Variants in FAXC observed in about 807,000 individuals in gnomAD.
FAXC encodes the protein failed axon connections homolog, metaxin like GST domain containing.
FAXC carries 10 observed loss-of-function variants against 41.9 expected under a neutral mutation model. The ratio of observed to expected loss-of-function variants is 0.24; its 90% CI spans 0.15 to 0.41. The LOEUF (loss-of-function observed/expected upper bound fraction) is 0.41, where lower values mean the gene tolerates loss of function less well. FAXC is among the 10% of genes least tolerant of loss of function. The probability of loss-of-function intolerance (pLI) is 1.00; values close to 1 mark genes in which losing one functional copy is unlikely to be tolerated. For missense variants in FAXC, 399 were observed against 510.9 expected (o/e 0.78, Z 2.11); for synonymous variants, 183 against 183.8 (o/e 1.00, Z 0.03).
chr6:99,334,108 G>A (rs932626625), intron 2 of FAXC, among the ~76,000 whole-genome samples: 4 of 152,148 alleles, frequency 2.6e-5, no homozygotes, highest in Non-Finnish European at 5.9e-5. Context: ...TAAAAATGCA[G>A]GTTCCTGTGC....
intron 1 of FAXC, 46 bp downstream of exon 1, chr6:99,349,061 G>A (rs758668874): frequency 7.6e-6 from 12 of 1,587,474 alleles, no homozygotes; most frequent in African/African-American, 1.3e-5. Context: ...GCCCTAGCCA[G>A]GTGCCCCTCT....
intron 5 of FAXC, among the ~76,000 whole-genome samples, chr6:99,287,940 C>T (rs1771084893): frequency 6.6e-6 from 1 of 152,162 alleles, no homozygotes; most frequent in Non-Finnish European, 1.5e-5. Context: ...TACACCAGCA[C>T]CCAGGGAAAG....
intron 4 of FAXC, among the ~76,000 whole-genome samples, chr6:99,303,765 A>T (rs1017816277): frequency 1.3e-5 from 2 of 152,328 alleles, no homozygotes; most frequent in South Asian, 2.1e-4. Context: ...CCCATAAAAA[A>T]TAACTTGTAT....
rs1026481330 is a variant in FAXC, at chr6:99,273,807, T to A, written c.*7357A>T. ...CCATTGAGGACCAGAAAATATACTT[T>A]TAAAATGTCTATGTTTGCTATGGTT... On this transcript the variant is annotated 3_prime_UTR_variant, in exon 6 of 6. Coordinates refer to ENST00000389677, the MANE Select transcript of FAXC (RefSeq NM_032511.4). 3.9e-5 allele frequency: 6 copies of A among 152,082 alleles called. No individual in the cohort carries two copies. Among genetic ancestry groups the A allele is most frequent in the Admixed American group, 6.6e-5 (1 of 15,254 alleles). 9.4% of individuals were successfully genotyped at this position (152,082 alleles called of 1,614,324 possible).
At chr6:99,333,255 T>C in intron 3 of FAXC, 96 bp downstream of exon 3, 5 of 1,075,218 alleles carry the variant, frequency 4.7e-6, no homozygotes, top group Non-Finnish European at 6.7e-6. Flanking sequence ...ACTGTTAAGG[T>C]AGAAAACTGC....
chr6:99,301,136 G>A (rs1327338670), intron 4 of FAXC, among the ~76,000 whole-genome samples: 1 of 152,260 alleles, frequency 6.6e-6, no homozygotes, highest in Non-Finnish European at 1.5e-5. Context: ...CCAGAGTGGT[G>A]AGCCTTGCTC....
chr6:99,344,325 C>T (rs1773521891), intron 1 of FAXC, among the ~76,000 whole-genome samples: 1 of 152,150 alleles, frequency 6.6e-6, no homozygotes, highest in Non-Finnish European at 1.5e-5. Context: ...CTTCATTTGA[C>T]CCAGCTGATT....
intron 5 of FAXC, among the ~76,000 whole-genome samples, chr6:99,284,933 T>C (rs911088034): frequency 2.7e-5 from 4 of 149,860 alleles, no homozygotes; most frequent in Non-Finnish European, 5.9e-5. Flanking sequence ...AAAAAGCCTA[T>C]ACAGAAGACA....
intron 4 of FAXC, among the ~76,000 whole-genome samples, chr6:99,293,706 GTGTGTGTC>G (rs1409360547): frequency 4.4e-4 from 45 of 102,270 alleles, no homozygotes; most frequent in African/African-American, 9.8e-4. Flanking sequence ...GTGTGTGTGT[GTGTGTGTC>G]TGTGTGTGTG....
chr6:99,341,510 C>T (rs1001856997), intron 2 of FAXC, among the ~76,000 whole-genome samples: 1 of 152,036 alleles, frequency 6.6e-6, no homozygotes, highest in Non-Finnish European at 1.5e-5. Flanking sequence ...TAGGAAGAGA[C>T]ATCAATGGAG....
chr6:99,304,978 G>GCA (rs1386561608), intron 4 of FAXC, among the ~76,000 whole-genome samples: 1 of 152,218 alleles, frequency 6.6e-6, no homozygotes, highest in African/African-American at 2.4e-5. Context: ...GAGAAACTGT[G>GCA]AAGTGAAGCA....
rs1299042652 is a variant in FAXC at position 99,281,385 on chromosome 6, C to T, written c.1009G>A (p.Asp337Asn). 6 of 1,614,044 alleles carry T rather than the reference C, an allele frequency of 3.7e-6. No individual in the cohort carries two copies. Among genetic ancestry groups the T allele is most frequent in the East Asian group, 2.2e-5 (1 of 44,896 alleles). ...RRKFWPEWHH[D>N]DDNTIYESEE... ...GACTCATAGATGGTATTGTCATCATCGTGGTGCCACTCTGGCCAAAATTTC... is the reference window on the plus strand; with the variant it reads ...GACTCATAGATGGTATTGTCATCATTGTGGTGCCACTCTGGCCAAAATTTC... The change falls in exon 6 of 6, where the codon GAT becomes AAT. Residue 337 changes from aspartate to asparagine, a missense_variant. Physicochemically the swap from Asp to Asn is conservative, Grantham distance 23. Around this residue, in one of 3 missense-constraint regions of FAXC, gnomAD observed 92 missense variants for 94.9 expected, o/e 0.97. Transcript: ENST00000389677.
At chr6:99,317,806 T>C (rs948238782) in intron 4 of FAXC, among the ~76,000 whole-genome samples, 4 of 152,222 alleles carry the variant, frequency 2.6e-5, no homozygotes, top group Admixed American at 6.5e-5. Flanking sequence ...TTGTCTTATT[T>C]TGCATCCACT....
chr6:99,329,339 G>A (rs1212459796), intron 3 of FAXC, among the ~76,000 whole-genome samples: 9 of 152,168 alleles, frequency 5.9e-5, no homozygotes, highest in Non-Finnish European at 2.9e-5. Context: ...TGGTCAAAGA[G>A]AAGCTGACCC....
chr6:99,296,886 T>G (rs982389712), intron 4 of FAXC, among the ~76,000 whole-genome samples: 4 of 152,136 alleles, frequency 2.6e-5, no homozygotes, highest in Non-Finnish European at 5.9e-5. Flanking sequence ...TCTGTAAAAT[T>G]TCATATGACC....
At chr6:99,302,315 A>G (rs1378696139) in intron 4 of FAXC, among the ~76,000 whole-genome samples, 1 of 152,180 alleles carries the variant, frequency 6.6e-6, no homozygotes, top group Non-Finnish European at 1.5e-5. Context: ...TCATTTTGTT[A>G]TTGAATGTTG....
Position 99,272,719 on chromosome 6 carries a change from A to T in FAXC, c.*8445T>A, listed in dbSNP as rs1442387675. On this transcript the variant is annotated 3_prime_UTR_variant, in exon 6 of 6. Transcript: ENST00000389677. ...ACTCACTTGAAATTCTATCAAAGTT[A>T]TATGCCTAAAAAATTCATTACCTCT... 6.6e-6 allele frequency: 1 copy of T among 152,202 alleles called. No homozygotes were observed. The highest frequency in any genetic ancestry group is 6.5e-5 in the Admixed American group (1 of 15,276). 9.4% of individuals were successfully genotyped at this position (152,202 alleles called of 1,614,324 possible).
At chr6:99,303,022 T>G (rs1424919830) in intron 4 of FAXC, among the ~76,000 whole-genome samples, 1 of 152,198 alleles carries the variant, frequency 6.6e-6, no homozygotes, top group Non-Finnish European at 1.5e-5. Context: ...TCTGATCTTG[T>G]TCACTTACAG....
At chr6:99,330,058 C>T (rs946768663) in intron 3 of FAXC, among the ~76,000 whole-genome samples, 11 of 151,776 alleles carry the variant, frequency 7.2e-5, no homozygotes, top group African/African-American at 2.7e-4. Flanking sequence ...GAGGGTTTTG[C>T]CATGTTGCCC....
Sources: allele counts gnomAD v4.1 joint callset (sites outside exome capture counted in the v4.1 genomes callset), GRCh38; gene constraint gnomAD v4.1.1; regional missense constraint gnomAD v4.1.1; transcripts MANE v1.5; gene names NCBI Gene and HGNC (gene_info 2026-07-23, HGNC 2026-07-21).